Variants in RNF114 observed in about 807,000 individuals in gnomAD.
RNF114 encodes E3 ubiquitin-protein ligase RNF114.
A neutral mutation model predicts 28.4 loss-of-function variants in RNF114; 6 were observed. The ratio of observed to expected loss-of-function variants is 0.21; its 90% CI spans 0.12 to 0.42. The LOEUF is 0.42. Ranked by LOEUF, RNF114 falls within the 10% of genes least tolerant of loss-of-function variation. RNF114 has a pLI of 1.00. For missense variants in RNF114, 249 were observed against 311.7 expected (o/e 0.80, Z 1.51); for synonymous variants, 115 against 116.7 (o/e 0.99, Z 0.09).
Position 49,953,169 on chromosome 20 carries a change from G to A in RNF114, c.*1028G>A, listed in dbSNP as rs2090362314. 6.6e-6 allele frequency: 1 copy of A among 152,066 alleles called. No homozygotes were observed. Among genetic ancestry groups the A allele is most frequent in the African/African-American group, 2.4e-5 (1 of 41,406 alleles). 9.4% of individuals were successfully genotyped at this position (152,066 alleles called of 1,614,324 possible). A position where few individuals can be genotyped will look rare whatever the true frequency, so the allele number is the denominator to read the frequency against. Reference sequence around the variant, plus strand: ...ACATGTAAAATGTGTTTGAAAACCTGCTTTGTAGATGCAGAGAGAAGCTAT... The same window carrying A: ...ACATGTAAAATGTGTTTGAAAACCTACTTTGTAGATGCAGAGAGAAGCTAT... On this transcript the variant is annotated 3_prime_UTR_variant, in exon 6 of 6. Coordinates refer to ENST00000244061, the MANE Select transcript of RNF114 (RefSeq NM_018683.4).
chr20:49,936,657 G>A, intron 1 of RNF114, 105 bp downstream of exon 1: 1 of 1,390,770 alleles, frequency 7.2e-7, no homozygotes, highest in South Asian at 1.4e-5. Flanking sequence ...CCCACCCAGA[G>A]GGGCCTCCCG....
chr20:49,949,131 G>C, intron 4 of RNF114, 117 bp from the exon 5 acceptor site: 1 of 771,466 alleles, frequency 1.3e-6, no homozygotes, highest in South Asian at 1.5e-5. Flanking sequence ...GGAGTTACTG[G>C]CCCTGGACAG....
At chr20:49,948,863 G>A (rs999167638) in intron 4 of RNF114, among the ~76,000 whole-genome samples, 1 of 152,194 alleles carries the variant, frequency 6.6e-6, no homozygotes, top group African/African-American at 2.4e-5. Context: ...TTGTTAAGAT[G>A]CATGTAAGGC....
intron 4 of RNF114, among the ~76,000 whole-genome samples, chr20:49,946,626 A>G (rs1426853303): frequency 6.6e-6 from 1 of 152,160 alleles, no homozygotes; most frequent in Admixed American, 6.6e-5. Flanking sequence ...AATTTTAACA[A>G]TTGTAATGTC....
At chr20:49,937,538 G>A (rs2090292539) in intron 1 of RNF114, among the ~76,000 whole-genome samples, 1 of 152,146 alleles carries the variant, frequency 6.6e-6, no homozygotes, top group East Asian at 1.9e-4. Flanking sequence ...GCTCTCTTAG[G>A]GAAGGGTCAC....
rs144534937 is a variant in RNF114, at chr20:49,952,930, G to A, written c.*789G>A. ...TTTTGGTTCTGATTTACAAATTAAT[G>A]AAGTAGTTTCAAACAACGCGGTCAT... On this transcript the variant is annotated 3_prime_UTR_variant, in exon 6 of 6. Transcript: ENST00000244061. 2 of 152,702 alleles carry A rather than the reference G, an allele frequency of 1.3e-5. No homozygotes were observed. Among genetic ancestry groups the A allele is most frequent in the Non-Finnish European group, 2.9e-5 (2 of 68,040 alleles). 9.5% of individuals were successfully genotyped at this position (152,702 alleles called of 1,614,324 possible).
chr20:49,948,616 T>C (rs2090344370), intron 4 of RNF114, among the ~76,000 whole-genome samples: 1 of 152,080 alleles, frequency 6.6e-6, no homozygotes, highest in Non-Finnish European at 1.5e-5. Context: ...TTTTGTATTT[T>C]TAGTAGAGAA....
chr20:49,942,810 C>T (rs1265630829), intron 2 of RNF114, among the ~76,000 whole-genome samples: 1 of 152,014 alleles, frequency 6.6e-6, no homozygotes, highest in Non-Finnish European at 1.5e-5. Flanking sequence ...GGTGATAGAG[C>T]CGGACCCTGT....
intron 5 of RNF114, 54 bp from the exon 6 acceptor site, chr20:49,952,022 A>G: frequency 3.6e-6 from 5 of 1,382,418 alleles, no homozygotes; most frequent in Non-Finnish European, 4.1e-6. Context: ...ACTGAAAGCC[A>G]GTCTTTGCAT....
chr20:49,947,202 A>G (rs2090335586), intron 4 of RNF114, among the ~76,000 whole-genome samples: 1 of 104,790 alleles, frequency 9.5e-6, no homozygotes. Flanking sequence ...TCTGGGCAGC[A>G]GAACAAAACT....
At chr20:49,942,424 C>T (rs561163119) in intron 2 of RNF114, among the ~76,000 whole-genome samples, 1 of 152,304 alleles carries the variant, frequency 6.6e-6, no homozygotes, top group East Asian at 1.9e-4. Flanking sequence ...GAGATATACA[C>T]AGCCTTGTTG....
chr20:49,953,127 T>C lies in RNF114; in HGVS notation c.*986T>C, dbSNP rs1275454797. ...TGTTTTTCTGTCACAAATGTTTTCC[T>C]TATGACACTGGTTTCGACATGTAAA... is the stretch of plus-strand genomic sequence containing the variant. On this transcript the variant is annotated 3_prime_UTR_variant, in exon 6 of 6. Coordinates refer to ENST00000244061, the MANE Select transcript of RNF114 (RefSeq NM_018683.4). 2.0e-5 allele frequency: 3 copies of C among 152,160 alleles called. No individual in the cohort carries two copies. The highest frequency in any genetic ancestry group is 4.4e-5 in the Non-Finnish European group (3 of 68,042). 9.4% of individuals were successfully genotyped at this position (152,160 alleles called of 1,614,324 possible).
chr20:49,949,121 G>C (rs1434803068), intron 4 of RNF114, 127 bp from the exon 5 acceptor site: 7 of 696,488 alleles, frequency 1.0e-5, no homozygotes, highest in African/African-American at 7.1e-5. Context: ...TGCACAGGAA[G>C]GAGTTACTGG....
chr20:49,939,989 T>C (rs935867617), intron 1 of RNF114, among the ~76,000 whole-genome samples: 3 of 150,016 alleles, frequency 2.0e-5, no homozygotes, highest in African/African-American at 7.4e-5. Flanking sequence ...GGGAGGCAGA[T>C]TTTGCAGTGA....
intron 1 of RNF114, among the ~76,000 whole-genome samples, chr20:49,937,252 G>GT (rs2090290918): frequency 1.3e-5 from 2 of 152,316 alleles, no homozygotes. Flanking sequence ...GGCTTTCGAG[G>GT]TTGGTCAGGT....
In RNF114 at chr20:49,947,769, G is replaced by GTTTTTTTTTT. The variant is rs71190519; in HGVS notation, c.514-1448_514-1439dup. Among the ~76,000 whole-genome samples the GTTTTTTTTTT allele has an allele frequency of 1.6e-3, 82 of 50,474 alleles. 13 individuals are homozygous for GTTTTTTTTTT. Among genetic ancestry groups the GTTTTTTTTTT allele is most frequent in the Non-Finnish European group, 2.2e-3 (62 of 28,800 alleles). 33.1% of individuals were successfully genotyped at this position (50,474 alleles called of 152,430 possible). ...GTTCTGTCTTCCTCTCCCTCTGCAA[G>GTTTTTTTTTT]TTTTTTTTTTTTTTTTTTTTTTTTT... is the stretch of plus-strand genomic sequence containing the variant. On this transcript the variant is annotated intron_variant, in intron 4 of 5. Coordinates refer to ENST00000244061, the MANE Select transcript of RNF114 (RefSeq NM_018683.4).
intron 4 of RNF114, among the ~76,000 whole-genome samples, chr20:49,948,880 T>A (rs2090345306): frequency 6.6e-6 from 1 of 152,234 alleles, no homozygotes. Context: ...AGGCTGTGTT[T>A]TACTTCCCTG....
chr20:49,936,733 T>C (rs1256262462), intron 1 of RNF114, among the ~76,000 whole-genome samples, 181 bp downstream of exon 1: 1 of 152,058 alleles, frequency 6.6e-6, no homozygotes, highest in Non-Finnish European at 1.5e-5. Flanking sequence ...CCCGCCCCGC[T>C]CACTCCTAAG....
chr20:49,938,822 T>C lies in RNF114; in HGVS notation c.140+2270T>C, dbSNP rs2090296759. Among the ~76,000 whole-genome samples the C allele has an allele frequency of 2.6e-5, 4 of 152,234 alleles. No individual in the cohort carries two copies. The South Asian group carries it at 8.3e-4, about 32-fold the overall frequency. On this transcript the variant is annotated intron_variant, in intron 1 of 5. Transcript: ENST00000244061. ...CCTGTGTGTGTGCTTGAGAAGAGAC[T>C]TCGAGCTGCTTTTATCTGCATGCTG...
Sources: gnomAD v4.1 joint callset for allele counts (sites outside exome capture counted in the v4.1 genomes callset) on GRCh38, gnomAD v4.1.1 for gene constraint, MANE v1.5 for transcripts, NCBI Gene and HGNC (gene_info 2026-07-23, HGNC 2026-07-21) for gene names.